PTPN12: variants seen among roughly 807,000 people sequenced by gnomAD.
The protein encoded by PTPN12 is tyrosine-protein phosphatase non-receptor type 12.
Under a neutral mutation model 97.6 loss-of-function variants are expected in PTPN12, and 29 were observed. The observed-to-expected ratio is 0.30, with a 90% CI of 0.22 to 0.41. The LOEUF (loss-of-function observed/expected upper bound fraction) is 0.41. Among genes scored for constraint, PTPN12 ranks in the 10% least tolerant of loss-of-function variants. PTPN12 has a pLI of 1.00. For missense variants in PTPN12, 819 were observed against 926.0 expected (o/e 0.88, Z 1.50); for synonymous variants, 327 against 300.4 (o/e 1.09, Z -0.91).
intron 1 of PTPN12, among the ~76,000 whole-genome samples, chr7:77,561,209 G>T (rs1034490298): frequency 2.6e-4 from 40 of 152,250 alleles, no homozygotes; most frequent in African/African-American, 9.4e-4. Context: ...ATAGTTATGA[G>T]CCACTGTGCC....
Position 77,638,623 on chromosome 7 carries a change from G to A in PTPN12, c.2174-1G>A. On this transcript the variant is annotated splice_acceptor_variant, in intron 16 of 17. Coordinates refer to ENST00000248594, the MANE Select transcript of PTPN12 (RefSeq NM_002835.4). LOFTEE classifies it high-confidence loss of function. Reference sequence around the variant, plus strand: ...AACAAAGGCTTTGTGTTGCTACTTAGATCATCCAGCGGGAGGTATTCACTA... The same window carrying A: ...AACAAAGGCTTTGTGTTGCTACTTAAATCATCCAGCGGGAGGTATTCACTA... 2 of 1,587,268 alleles carry A rather than the reference G, an allele frequency of 1.3e-6. No individual in the cohort carries two copies. The highest frequency in any genetic ancestry group is 2.3e-5 in the East Asian group (1 of 43,154).
intron 12 of PTPN12, among the ~76,000 whole-genome samples, chr7:77,621,529 CGTTGTGGCGGGCACCTGTA>C (rs1296756675): frequency 6.6e-6 from 1 of 151,992 alleles, no homozygotes; most frequent in African/African-American, 2.4e-5. Context: ...ATTAGCTGGG[CGTTGTGGCGGGCACCTGTA>C]GTCTCAGCTA....
intron 1 of PTPN12, among the ~76,000 whole-genome samples, chr7:77,553,753 A>C (rs1229133932): frequency 6.6e-6 from 1 of 152,154 alleles, no homozygotes; most frequent in African/African-American, 2.4e-5. Context: ...TTTAATTGGT[A>C]CATTTAGACC....
intron 1 of PTPN12, among the ~76,000 whole-genome samples, chr7:77,564,744 G>GTTTTTTTTTTT (rs1329627463): frequency 2.9e-5 from 1 of 34,360 alleles, no homozygotes; most frequent in Non-Finnish European, 5.4e-5. Context: ...TTTTGTTGTC[G>GTTTTTTTTTTT]TGTTTTTTTT....
chr7:77,537,722 G>C (rs924957918), intron 1 of PTPN12, 77 bp downstream of exon 1: 1 of 1,471,700 alleles, frequency 6.8e-7, no homozygotes, highest in Non-Finnish European at 9.1e-7. Context: ...CGGGCCGCCA[G>C]TGCTTTGTGT....
intron 1 of PTPN12, among the ~76,000 whole-genome samples, chr7:77,543,760 C>A (rs111581601): frequency 5.3e-5 from 8 of 152,260 alleles, no homozygotes; most frequent in African/African-American, 1.7e-4. Flanking sequence ...TAAATGGAAT[C>A]ATACAATATG....
intron 1 of PTPN12, among the ~76,000 whole-genome samples, chr7:77,568,771 G>A (rs1206822354): frequency 6.6e-6 from 1 of 152,150 alleles, no homozygotes; most frequent in Admixed American, 6.5e-5. Context: ...CGCTGACATT[G>A]ACCTAAGATA....
At chr7:77,573,636 G>T (rs1787237555) in intron 2 of PTPN12, among the ~76,000 whole-genome samples, 1 of 152,170 alleles carries the variant, frequency 6.6e-6, no homozygotes, top group South Asian at 2.1e-4. Flanking sequence ...TTCGTATTAA[G>T]CAAGATAATT....
At chr7:77,553,490 T>G (rs1807568695) in intron 1 of PTPN12, among the ~76,000 whole-genome samples, 1 of 152,220 alleles carries the variant, frequency 6.6e-6, no homozygotes, top group African/African-American at 2.4e-5. Flanking sequence ...ACATATGGAT[T>G]AAGGATTATG....
Position 77,627,018 on chromosome 7 carries a change from C to A in PTPN12, c.1339C>A (p.Pro447Thr), listed in dbSNP as rs750869671. The A allele has an allele frequency of 1.2e-6, 2 of 1,607,568 alleles. No individual in the cohort carries two copies. Among genetic ancestry groups the A allele is most frequent in the Non-Finnish European group, 1.7e-6 (2 of 1,177,972 alleles). Residue 447 changes from proline (P) to threonine (T), a missense_variant, in exon 13 of 18, where the codon CCA becomes ACA. Pro to Thr is a conservative substitution (Grantham distance 38). Transcript: ENST00000248594. ...EIKKVPLQEGPKSFDGNTLLN... is the reference protein window; with the variant it reads ...EIKKVPLQEGTKSFDGNTLLN... Reference sequence around the variant, plus strand: ...TAAGAAGGTCCCTCTCCAAGAGGGACCAAAAAGTTTTGATGGGAACACACT... The same window carrying A: ...TAAGAAGGTCCCTCTCCAAGAGGGAACAAAAAGTTTTGATGGGAACACACT...
intron 9 of PTPN12, among the ~76,000 whole-genome samples, chr7:77,609,392 C>T (rs989504845): frequency 6.7e-6 from 1 of 149,428 alleles, no homozygotes; most frequent in Non-Finnish European, 1.5e-5. Context: ...CTGCCTTAGT[C>T]TCCCGAGTAG....
intron 2 of PTPN12, among the ~76,000 whole-genome samples, chr7:77,575,779 TG>T (rs1371973358): frequency 6.6e-6 from 1 of 152,210 alleles, no homozygotes; most frequent in African/African-American, 2.4e-5. Flanking sequence ...GCTTTCTGTC[TG>T]TATAGATTTT....
intron 1 of PTPN12, among the ~76,000 whole-genome samples, chr7:77,542,332 A>G (rs1458118033): frequency 6.6e-6 from 1 of 152,146 alleles, no homozygotes; most frequent in Admixed American, 6.5e-5. Flanking sequence ...CTTGAGTTGT[A>G]CTCTGAACCT....
Position 77,581,589 on chromosome 7 carries a change from A to G in PTPN12, c.285+86A>G, listed in dbSNP as rs1787517621. On this transcript the variant is annotated intron_variant, in intron 3 of 17. Coordinates refer to ENST00000248594, the MANE Select transcript of PTPN12 (RefSeq NM_002835.4). The stretch of plus-strand genomic sequence containing the variant: ...TTGTAAAAACTTTTTGAATTGCTCA[A>G]ACATGATACCAACAGCAAAAGAAAT... The G allele has an allele frequency of 7.5e-6, 5 of 669,450 alleles. No individual in the cohort carries two copies. The South Asian group carries it at 9.9e-5, about 13-fold the overall frequency. 41.5% of individuals were successfully genotyped at this position (669,450 alleles called of 1,614,324 possible). A position where few individuals can be genotyped will look rare whatever the true frequency, so the allele number is the denominator to read the frequency against.
intron 5 of PTPN12, among the ~76,000 whole-genome samples, chr7:77,588,157 T>C (rs1582304): frequency 3.3e-5 from 5 of 152,140 alleles, no homozygotes; most frequent in African/African-American, 1.2e-4. Flanking sequence ...CTTGGCTGAT[T>C]AGTACAAGAG....
intron 13 of PTPN12, among the ~76,000 whole-genome samples, chr7:77,630,408 T>C (rs917860179): frequency 1.3e-5 from 2 of 152,156 alleles, no homozygotes; most frequent in South Asian, 2.1e-4. Flanking sequence ...GTGAATGTCA[T>C]AGAATGTATT....
At chr7:77,564,746 G>GTGTTTTT (rs1808163614) in intron 1 of PTPN12, among the ~76,000 whole-genome samples, 2 of 45,402 alleles carry the variant, frequency 4.4e-5, no homozygotes, top group South Asian at 1.3e-3. Flanking sequence ...TTGTTGTCGT[G>GTGTTTTT]TTTTTTTTTT....
rs1030801665 is a variant in PTPN12 at position 77,598,950 on chromosome 7, TA to T, written c.552+1056del. 7.4e-4 allele frequency among the ~76,000 whole-genome samples: 112 copies of T among 151,290 alleles called. 2 individuals carry two copies. The highest frequency in any genetic ancestry group is 4.7e-3 in the Admixed American group (71 of 15,180). Reference sequence around the variant, plus strand: ...TGCAAACTAATCAACTTTTAGCTACTAAAAAAATAAAACAAGCTATATAAAT... The same window carrying T: ...TGCAAACTAATCAACTTTTAGCTACTAAAAAATAAAACAAGCTATATAAAT... On this transcript the variant is annotated intron_variant, in intron 7 of 17. Transcript: ENST00000248594.
At chr7:77,638,018 C>T (rs1161021514) in intron 16 of PTPN12, among the ~76,000 whole-genome samples, 1 of 114,544 alleles carries the variant, frequency 8.7e-6, no homozygotes, top group African/African-American at 3.4e-5. Context: ...AGTGCAGTGG[C>T]GCGATCTCGG....
Sources: gnomAD v4.1 joint callset for allele counts (sites outside exome capture counted in the v4.1 genomes callset) on GRCh38, gnomAD v4.1.1 for gene constraint, MANE v1.5 for transcripts, NCBI Gene and HGNC (gene_info 2026-07-23, HGNC 2026-07-21) for gene names.